Variants in OPCML observed in about 807,000 individuals in gnomAD.
The protein encoded by OPCML is opioid binding protein/cell adhesion molecule like.
In OPCML, 13 loss-of-function variants were observed where a neutral mutation model predicts 37.8. That is an observed-to-expected ratio of 0.34 (90% CI 0.22 to 0.55). OPCML has a LOEUF of 0.55. Among genes scored for constraint, OPCML ranks in the 20% least tolerant of loss-of-function variants. OPCML has a pLI of 0.91. For synonymous variants in OPCML, 176 were observed against 168.8 expected, an observed-to-expected ratio of 1.04 and a Z score of -0.33; for missense variants, 341 against 435.6, an observed-to-expected ratio of 0.78 and a Z score of 1.93.
intron 3 of OPCML, among the ~76,000 whole-genome samples, chr11:132,608,833 C>T (rs528793963): frequency 6.6e-6 from 1 of 152,226 alleles, no homozygotes; most frequent in East Asian, 1.9e-4. Flanking sequence ...CTTTGCTCAC[C>T]AGAGAATCTG....
chr11:132,434,765 AG>A, intron 7 of OPCML, among the ~76,000 whole-genome samples: 1 of 152,340 alleles, frequency 6.6e-6, no homozygotes, highest in Non-Finnish European at 1.5e-5. Flanking sequence ...TTGGGCTAAA[AG>A]AATAAAACAT....
chr11:133,182,316 T>C (rs776569937), intron 1 of OPCML, among the ~76,000 whole-genome samples: 3 of 152,230 alleles, frequency 2.0e-5, no homozygotes, highest in Non-Finnish European at 1.5e-5. Context: ...ATTATTTTGG[T>C]GCTAGAAAAA....
chr11:132,871,396 C>T (rs907781558), intron 2 of OPCML, among the ~76,000 whole-genome samples: 2 of 152,084 alleles, frequency 1.3e-5, no homozygotes, highest in East Asian at 1.9e-4. Context: ...AAATAAAAAT[C>T]GTATCTGTAC....
At chr11:133,385,482 C>T (rs1265603512) in intron 1 of OPCML, among the ~76,000 whole-genome samples, 1 of 152,158 alleles carries the variant, frequency 6.6e-6, no homozygotes, top group Admixed American at 6.5e-5. Flanking sequence ...AGAGCTCAAG[C>T]CGAGAAAAAC....
chr11:132,927,665 G>A (rs1019090451), intron 2 of OPCML, among the ~76,000 whole-genome samples: 8 of 151,902 alleles, frequency 5.3e-5, no homozygotes, highest in South Asian at 2.1e-4. Flanking sequence ...TATAATATAT[G>A]GACACCTACC....
At chr11:132,901,683 G>A (rs948248939) in intron 2 of OPCML, among the ~76,000 whole-genome samples, 17 of 152,082 alleles carry the variant, frequency 1.1e-4, no homozygotes, top group Non-Finnish European at 1.8e-4. Context: ...GGCACGGTGC[G>A]TCCTCAGCTT....
intron 3 of OPCML, among the ~76,000 whole-genome samples, chr11:132,568,066 GTGTT>G (rs897372480): frequency 2.6e-5 from 4 of 151,922 alleles, no homozygotes; most frequent in East Asian, 1.9e-4. Context: ...GTGTGTGTGT[GTGTT>G]TGATTAGTCA....
At chr11:132,748,063 CTTTTTT>C (rs34569655) in intron 2 of OPCML, among the ~76,000 whole-genome samples, 1 of 140,470 alleles carries the variant, frequency 7.1e-6, no homozygotes, top group African/African-American at 2.6e-5. Flanking sequence ...AGCTGCTTGT[CTTTTTT>C]TTTTTTTTTT....
intron 3 of OPCML, among the ~76,000 whole-genome samples, chr11:132,581,881 G>A (rs1003646168): frequency 1.1e-4 from 17 of 152,046 alleles, no homozygotes; most frequent in Non-Finnish European, 2.2e-4. Context: ...GGCATTCCAG[G>A]TATTCTTATG....
Position 133,380,134 on chromosome 11 carries a change from T to C in OPCML, c.61+152130A>G, listed in dbSNP as rs552800287. ...GATCTGCTGGCAGAGGATGAAAATA[T>C]AAATGACTGGCCAGAATACAAGCAG... On this transcript the variant is annotated intron_variant, in intron 1 of 7. Transcript: ENST00000524381. Among the ~76,000 whole-genome samples, 4 of 152,256 alleles carry C rather than the reference T, an allele frequency of 2.6e-5. No individual in the cohort carries two copies. The East Asian group carries it at 5.8e-4, about 22-fold the overall frequency.
At chr11:133,035,632 G>A (rs1052407155) in intron 1 of OPCML, among the ~76,000 whole-genome samples, 1 of 152,056 alleles carries the variant, frequency 6.6e-6, no homozygotes, top group Middle Eastern at 3.2e-3. Flanking sequence ...GGACTGAATC[G>A]TGCCCCCCCA....
At chr11:132,749,946 G>A (rs1472302725) in intron 2 of OPCML, among the ~76,000 whole-genome samples, 1 of 152,014 alleles carries the variant, frequency 6.6e-6, no homozygotes, top group Non-Finnish European at 1.5e-5. Flanking sequence ...GCCATGGTGC[G>A]ATCTCAGCTC....
intron 3 of OPCML, among the ~76,000 whole-genome samples, chr11:132,536,435 T>TA (rs2096341146): frequency 6.6e-6 from 1 of 152,204 alleles, no homozygotes; most frequent in Non-Finnish European, 1.5e-5. Context: ...GAAATGGGCA[T>TA]AAAAATATTT....
At chr11:133,312,582 T>C (rs987706161) in intron 1 of OPCML, among the ~76,000 whole-genome samples, 2 of 152,190 alleles carry the variant, frequency 1.3e-5, no homozygotes, top group African/African-American at 4.8e-5. Context: ...AAAGACAGAA[T>C]AGCCCCATAA....
chr11:133,023,397 C>T (rs757830479), intron 1 of OPCML, among the ~76,000 whole-genome samples: 2 of 151,968 alleles, frequency 1.3e-5, no homozygotes, highest in Non-Finnish European at 2.9e-5. Context: ...TCACGATGCT[C>T]GGGGATGAAA....
At chr11:133,352,015 C>A (rs985005408) in intron 1 of OPCML, among the ~76,000 whole-genome samples, 1 of 152,182 alleles carries the variant, frequency 6.6e-6, no homozygotes, top group African/African-American at 2.4e-5. Flanking sequence ...GGTTTTGCAA[C>A]TGTTTCTCAA....
At chr11:133,260,922 A>G (rs74686793) in intron 1 of OPCML, among the ~76,000 whole-genome samples, 1 of 152,150 alleles carries the variant, frequency 6.6e-6, no homozygotes, top group Non-Finnish European at 1.5e-5. Flanking sequence ...GAAACAAAAA[A>G]GGTGGAGGAC....
chr11:133,051,902 T>C (rs1282304829), intron 1 of OPCML, among the ~76,000 whole-genome samples: 2 of 152,150 alleles, frequency 1.3e-5, no homozygotes, highest in African/African-American at 4.8e-5. Context: ...CCCAAACAGC[T>C]TTTTGTCATG....
chr11:132,686,753 G>A (rs555375799), intron 2 of OPCML, among the ~76,000 whole-genome samples: 14 of 152,108 alleles, frequency 9.2e-5, no homozygotes, highest in Non-Finnish European at 1.6e-4. Context: ...GTTTTTCCAC[G>A]TGTTCTATTC....
Sources: allele counts gnomAD v4.1 joint callset (sites outside exome capture counted in the v4.1 genomes callset), GRCh38; gene constraint gnomAD v4.1.1; transcripts MANE v1.5; gene names NCBI Gene and HGNC (gene_info 2026-07-23, HGNC 2026-07-21).